The following GLRA3 variants were observed in gnomAD, a reference collection of about 807,000 sequenced individuals.
The protein encoded by GLRA3 is glycine receptor subunit alpha-3.
GLRA3 carries 44 observed loss-of-function variants against 60.4 expected under a neutral mutation model. That is an observed-to-expected ratio of 0.73 (90% CI 0.57 to 0.94). The LOEUF is 0.94. GLRA3 is among the 40% of genes least tolerant of loss of function. The pLI is 0.00. For synonymous variants in GLRA3, 223 were observed against 192.9 expected, an observed-to-expected ratio of 1.16 and a Z score of -1.29; for missense variants, 508 against 564.6, an observed-to-expected ratio of 0.90 and a Z score of 1.02.
Position 174,665,727 on chromosome 4 carries a change from C to T in GLRA3, c.928-6530G>A, listed in dbSNP as rs570787591. Among the ~76,000 whole-genome samples the T allele has an allele frequency of 8.5e-5, 13 of 152,256 alleles. No homozygotes were observed. In the East Asian group the frequency reaches 2.5e-3, roughly 29 times the overall value. On this transcript the variant is annotated intron_variant, in intron 7 of 9. Coordinates refer to ENST00000274093, the MANE Select transcript of GLRA3 (RefSeq NM_006529.4). ...TGTATCTTCTGCTTTTAGGCTGTTA[C>T]ATTCCATGAGCTAAGACAAAGGCCA...
At chr4:174,673,014 T>C (rs1241788896) in intron 7 of GLRA3, among the ~76,000 whole-genome samples, 2 of 152,054 alleles carry the variant, frequency 1.3e-5, no homozygotes, top group African/African-American at 4.8e-5. Context: ...AAATAAGGTA[T>C]GCATAGTGAC....
intron 5 of GLRA3, among the ~76,000 whole-genome samples, chr4:174,686,279 T>C (rs1322771965): frequency 3.3e-5 from 5 of 152,198 alleles, no homozygotes; most frequent in Non-Finnish European, 7.4e-5. Flanking sequence ...TTTACACAAT[T>C]CAAAATGTTT....
intron 5 of GLRA3, among the ~76,000 whole-genome samples, chr4:174,701,680 C>T (rs563842104): frequency 2.1e-4 from 32 of 152,160 alleles, no homozygotes; most frequent in East Asian, 1.2e-3. Flanking sequence ...ATTCATGATT[C>T]GGGGAGGAAG....
Position 174,728,517 on chromosome 4 carries a change from A to T in GLRA3, c.449T>A (p.Leu150Ter). The part of the protein sequence containing the change: ...NFHEVTTDNK[L>*]LRIFKNGNVL... Reference sequence around the variant, plus strand: ...ATTTCCATTTTTGAAAATTCTTAGCAATTTGTTGTCTGTAGTGACTTCATG... The same window carrying T: ...ATTTCCATTTTTGAAAATTCTTAGCTATTTGTTGTCTGTAGTGACTTCATG... Residue 150 changes from leucine (L) to a stop codon, truncating the protein, a stop_gained, in exon 4 of 10, where the codon TTG becomes TAG. Transcript: ENST00000274093. LOFTEE classifies it high-confidence loss of function. 6.2e-7 allele frequency: 1 copy of T among 1,611,738 alleles called. No individual in the cohort carries two copies. The highest frequency in any genetic ancestry group is 8.5e-7 in the Non-Finnish European group (1 of 1,178,288).
intron 9 of GLRA3, among the ~76,000 whole-genome samples, chr4:174,654,283 C>A (rs1733119132): frequency 6.6e-6 from 1 of 151,984 alleles, no homozygotes; most frequent in Admixed American, 6.6e-5. Context: ...ATGCACAGGG[C>A]AGAAAATCAA....
chr4:174,644,122 G>C, intron 9 of GLRA3, 58 bp from the exon 10 acceptor site: 1 of 961,928 alleles, frequency 1.0e-6, no homozygotes, highest in East Asian at 2.4e-5. Context: ...TGTATAACAG[G>C]CATCTCAGAA....
At chr4:174,748,140 A>G (rs1163658168) in intron 3 of GLRA3, among the ~76,000 whole-genome samples, 2 of 152,198 alleles carry the variant, frequency 1.3e-5, no homozygotes, top group African/African-American at 2.4e-5. Flanking sequence ...CATTCAAGAA[A>G]TAGAAAGAAG....
chr4:174,726,132 A>T (rs35319327), intron 4 of GLRA3, among the ~76,000 whole-genome samples: 24,319 of 152,182 alleles, frequency 0.16, 2,436 homozygotes, highest in South Asian at 0.23. Context: ...CTGCTAGGTG[A>T]TGTTGAAAAT....
At chr4:174,713,500 C>T (rs1270508633) in intron 5 of GLRA3, 1 of 152,050 alleles carries the variant, frequency 6.6e-6, no homozygotes, top group Non-Finnish European at 1.5e-5. Flanking sequence ...CACCTAAAAA[C>T]AAAAAACCTT....
chr4:174,725,923 T>G (rs924020840), intron 4 of GLRA3, among the ~76,000 whole-genome samples: 3 of 152,268 alleles, frequency 2.0e-5, no homozygotes, highest in Non-Finnish European at 4.4e-5. Context: ...AATACTATTT[T>G]ATTAGACTCT....
At chr4:174,759,849 T>C (rs1434568719) in intron 3 of GLRA3, among the ~76,000 whole-genome samples, 3 of 152,136 alleles carry the variant, frequency 2.0e-5, no homozygotes, top group South Asian at 2.1e-4. Context: ...CGTATACATA[T>C]ACAACTGTAC....
chr4:174,813,982 G>T (rs974573427), intron 1 of GLRA3, among the ~76,000 whole-genome samples: 27 of 152,212 alleles, frequency 1.8e-4, no homozygotes, highest in African/African-American at 6.5e-4. Context: ...GCACACAGGT[G>T]AGAGTCTGCA....
chr4:174,699,705 T>G (rs986342712), intron 5 of GLRA3, among the ~76,000 whole-genome samples: 1 of 152,084 alleles, frequency 6.6e-6, no homozygotes, highest in African/African-American at 2.4e-5. Flanking sequence ...CTTAAGTTGC[T>G]CATCACAAAG....
At chr4:174,770,476 G>A (rs1381975168) in intron 2 of GLRA3, among the ~76,000 whole-genome samples, 1 of 152,022 alleles carries the variant, frequency 6.6e-6, no homozygotes, top group East Asian at 1.9e-4. Context: ...GTCAGGGCTT[G>A]GGAGCATTGA....
rs1415520894 is a variant in GLRA3 at position 174,784,480 on chromosome 4, AC to A, written c.199+4335del. ...CTTAAAGTATAATTAAAAAAAAAAT[AC>A]AAAAAAAAAACCAAAAACACAAAGA... On this transcript the variant is annotated intron_variant, in intron 2 of 9. Coordinates refer to ENST00000274093, the MANE Select transcript of GLRA3 (RefSeq NM_006529.4). Among the ~76,000 whole-genome samples, 8 of 119,514 alleles carry A rather than the reference AC, an allele frequency of 6.7e-5. No individual in the cohort carries two copies. In the East Asian group the frequency reaches 2.0e-3, roughly 31 times the overall value. The allele number at this position is 119,514 out of a possible 152,430, so 78.4% of individuals were successfully genotyped here.
At chr4:174,770,348 G>A (rs1352055) in intron 2 of GLRA3, among the ~76,000 whole-genome samples, 113,471 of 151,858 alleles carry the variant, frequency 0.75, 42,761 homozygotes, top group East Asian at 1. Context: ...TCATTATAAT[G>A]TGCAAGAATG....
At chr4:174,783,247 G>A (rs1176397098) in intron 2 of GLRA3, among the ~76,000 whole-genome samples, 4 of 146,124 alleles carry the variant, frequency 2.7e-5, no homozygotes, top group Non-Finnish European at 6.1e-5. Flanking sequence ...AAGTGGTGCT[G>A]GGAAAACTGG....
At chr4:174,802,178 C>T (rs1437823894) in intron 1 of GLRA3, among the ~76,000 whole-genome samples, 1 of 151,826 alleles carries the variant, frequency 6.6e-6, no homozygotes, top group Non-Finnish European at 1.5e-5. Context: ...ATCCTTGTGC[C>T]CAAGTTAGGA....
chr4:174,691,652 C>T (rs978517397), intron 5 of GLRA3, among the ~76,000 whole-genome samples: 2 of 152,230 alleles, frequency 1.3e-5, no homozygotes, highest in Non-Finnish European at 2.9e-5. Flanking sequence ...CCTCGGCCTC[C>T]CGAGGTGCCG....
Sources: allele counts gnomAD v4.1 joint callset (sites outside exome capture counted in the v4.1 genomes callset), GRCh38; gene constraint gnomAD v4.1.1; transcripts MANE v1.5; gene names NCBI Gene and HGNC (gene_info 2026-07-23, HGNC 2026-07-21).